The following PEBP4 variants were observed in gnomAD, a reference collection of about 807,000 sequenced individuals.
PEBP4 encodes phosphatidylethanolamine-binding protein 4.
Under a neutral mutation model 23.9 loss-of-function variants are expected in PEBP4, and 22 were observed. The ratio of observed to expected loss-of-function variants is 0.92; its 90% CI spans 0.66 to 1.31. The LOEUF is 1.31. PEBP4 is among the 40% of genes most tolerant of loss of function. PEBP4 has a pLI of 0.00. For synonymous variants in PEBP4, 112 were observed against 99.3 expected (o/e 1.13, Z -0.76); for missense variants, 324 against 281.7 (o/e 1.15, Z -1.07).
chr8:22,917,699 G>A lies in PEBP4; in HGVS notation c.258+2485C>T, dbSNP rs1190810987. ...AATCACACCTTGACTTGCATTCAGG[G>A]CAACCATCCTCCTCTACTCTCAGTC... On this transcript the variant is annotated intron_variant, in intron 3 of 6. Coordinates refer to ENST00000256404, the MANE Select transcript of PEBP4 (RefSeq NM_144962.3). Among the ~76,000 whole-genome samples, 4 of 152,304 alleles carry A rather than the reference G, an allele frequency of 2.6e-5. No homozygotes were observed. In the East Asian group the frequency reaches 5.8e-4, roughly 22 times the overall value.
intron 3 of PEBP4, among the ~76,000 whole-genome samples, chr8:22,915,690 C>T (rs952564146): frequency 1.3e-5 from 2 of 152,210 alleles, no homozygotes; most frequent in African/African-American, 4.8e-5. Flanking sequence ...ACTTGACCGC[C>T]TCCACATGTA....
At chr8:22,857,431 T>C (rs567016084) in intron 3 of PEBP4, among the ~76,000 whole-genome samples, 1 of 152,354 alleles carries the variant, frequency 6.6e-6, no homozygotes, top group African/African-American at 2.4e-5. Context: ...AGCCAAGTTC[T>C]TGAAGGACCG....
At chr8:22,742,445 C>A (rs1250687033) in intron 4 of PEBP4, among the ~76,000 whole-genome samples, 1 of 152,184 alleles carries the variant, frequency 6.6e-6, no homozygotes, top group African/African-American at 2.4e-5. Flanking sequence ...GTGGTCCTGT[C>A]AAGCATGAGA....
upstream of PEBP4, among the ~76,000 whole-genome samples, chr8:22,928,462 G>T (rs540451463): frequency 6.6e-6 from 1 of 152,202 alleles, no homozygotes; most frequent in Non-Finnish European, 1.5e-5. Context: ...GGAGAAGGAG[G>T]TCTGGGGAGC....
At chr8:22,858,824 G>A (rs904910409) in intron 3 of PEBP4, among the ~76,000 whole-genome samples, 1 of 152,196 alleles carries the variant, frequency 6.6e-6, no homozygotes, top group Non-Finnish European at 1.5e-5. Context: ...GCGGGTGCCT[G>A]TAGTCCCAGC....
intron 4 of PEBP4, among the ~76,000 whole-genome samples, chr8:22,807,854 A>G (rs1806531909): frequency 6.7e-6 from 1 of 148,438 alleles, no homozygotes; most frequent in Admixed American, 6.8e-5. Context: ...CCATCCACCC[A>G]CCCACCTACC....
At chr8:22,840,319 G>A (rs946779447) in intron 3 of PEBP4, among the ~76,000 whole-genome samples, 1 of 152,094 alleles carries the variant, frequency 6.6e-6, no homozygotes, top group Admixed American at 6.5e-5. Context: ...AAACACACAG[G>A]TGTGGATGAA....
intron 3 of PEBP4, among the ~76,000 whole-genome samples, chr8:22,894,149 A>G (rs995666849): frequency 2.0e-5 from 3 of 152,138 alleles, no homozygotes; most frequent in African/African-American, 7.2e-5. Context: ...CCCATTGAAG[A>G]TAAGAGTTTG....
At chr8:22,737,839 T>C (rs1804900716) in intron 4 of PEBP4, among the ~76,000 whole-genome samples, 1 of 152,148 alleles carries the variant, frequency 6.6e-6, no homozygotes, top group Admixed American at 6.5e-5. Context: ...GAAGGTGCAA[T>C]TAGGAAATGG....
intron 3 of PEBP4, among the ~76,000 whole-genome samples, chr8:22,869,328 ATGTT>A (rs1471800119): frequency 3.9e-5 from 6 of 152,050 alleles, no homozygotes; most frequent in African/African-American, 9.7e-5. Context: ...ATATATATTT[ATGTT>A]TGTTTATTTA....
intron 4 of PEBP4, among the ~76,000 whole-genome samples, chr8:22,778,576 C>A (rs1805860457): frequency 1.3e-5 from 2 of 152,124 alleles, no homozygotes; most frequent in Non-Finnish European, 2.9e-5. Context: ...GCTTTTCCTG[C>A]CTTCCTGTTG....
intron 5 of PEBP4, 68 bp downstream of exon 5, chr8:22,727,107 A>T: frequency 6.5e-7 from 1 of 1,545,836 alleles, no homozygotes; most frequent in Non-Finnish European, 8.9e-7. Flanking sequence ...CAGCACCATG[A>T]GGTTTTGATT....
At chr8:22,794,747 G>C (rs1306477821) in intron 4 of PEBP4, among the ~76,000 whole-genome samples, 1 of 152,002 alleles carries the variant, frequency 6.6e-6, no homozygotes, top group African/African-American at 2.4e-5. Flanking sequence ...AGCTCAGATT[G>C]GTCAATTATT....
intron 4 of PEBP4, among the ~76,000 whole-genome samples, chr8:22,788,520 C>T (rs1806073564): frequency 6.6e-6 from 1 of 152,144 alleles, no homozygotes; most frequent in African/African-American, 2.4e-5. Context: ...AGAGTCTCAC[C>T]CATACTGCGA....
chr8:22,909,152 G>C (rs908057876), intron 3 of PEBP4, among the ~76,000 whole-genome samples: 2 of 152,112 alleles, frequency 1.3e-5, no homozygotes, highest in African/African-American at 4.8e-5. Flanking sequence ...GTAGGATGAC[G>C]GTCACCTATC....
chr8:22,782,821 T>A (rs367648643), intron 4 of PEBP4, among the ~76,000 whole-genome samples: 3 of 152,130 alleles, frequency 2.0e-5, no homozygotes, highest in African/African-American at 7.2e-5. Flanking sequence ...ATCCTGAGAG[T>A]GACAGCCCAC....
intron 4 of PEBP4, among the ~76,000 whole-genome samples, chr8:22,774,726 C>T (rs903739916): frequency 3.9e-5 from 6 of 152,276 alleles, no homozygotes; most frequent in Admixed American, 3.3e-4. Context: ...CTGGCCCAGC[C>T]GTCCCCACCA....
intron 4 of PEBP4, among the ~76,000 whole-genome samples, chr8:22,774,743 G>C (rs1312927485): frequency 2.6e-5 from 4 of 152,192 alleles, no homozygotes; most frequent in Admixed American, 2.6e-4. Flanking sequence ...ACCAGGATAG[G>C]CTGCTGAGTC....
At chr8:22,738,105 G>A (rs1022486021) in intron 4 of PEBP4, among the ~76,000 whole-genome samples, 2 of 152,192 alleles carry the variant, frequency 1.3e-5, no homozygotes, top group African/African-American at 4.8e-5. Flanking sequence ...TGTTGGGCCT[G>A]CCCCGCTGGG....
Sources: allele counts gnomAD v4.1 joint callset (sites outside exome capture counted in the v4.1 genomes callset), GRCh38; gene constraint gnomAD v4.1.1; transcripts MANE v1.5; gene names NCBI Gene and HGNC (gene_info 2026-07-23, HGNC 2026-07-21).